The following ZBTB40 variants were observed in gnomAD, a reference collection of about 807,000 sequenced individuals.
The protein encoded by ZBTB40 is zinc finger and BTB domain-containing protein 40.
In ZBTB40, 60 loss-of-function variants were observed where a neutral mutation model predicts 117.5. The observed-to-expected ratio is 0.51, with a 90% CI of 0.41 to 0.63. The LOEUF (loss-of-function observed/expected upper bound fraction) is 0.63, where lower values mean the gene tolerates loss of function less well. ZBTB40 is among the 30% of genes least tolerant of loss of function. The probability of loss-of-function intolerance (pLI) is 0.00; values close to 1 mark genes in which losing one functional copy is unlikely to be tolerated. For synonymous variants in ZBTB40, 525 were observed against 577.1 expected (o/e 0.91, Z 1.29); for missense variants, 1,287 against 1,498.5 (o/e 0.86, Z 2.33).
intron 3 of ZBTB40, among the ~76,000 whole-genome samples, chr1:22,497,729 A>G (rs1638817068): frequency 6.6e-6 from 1 of 152,184 alleles, no homozygotes; most frequent in East Asian, 1.9e-4. Context: ...ATTATGCTTA[A>G]ATCTGGGAGG....
intron 1 of ZBTB40, among the ~76,000 whole-genome samples, chr1:22,481,144 AT>A (rs1009981903): frequency 3.4e-4 from 50 of 149,250 alleles, no homozygotes; most frequent in Admixed American, 2.8e-3. Flanking sequence ...CTTTTCTTTA[AT>A]TTTTTTTCAA....
intron 1 of ZBTB40, among the ~76,000 whole-genome samples, chr1:22,452,396 G>A (rs1291326081): frequency 6.6e-6 from 1 of 152,226 alleles, no homozygotes; most frequent in Non-Finnish European, 1.5e-5. Context: ...CCTAATCCAT[G>A]CCCCCCTTCT....
At chr1:22,449,181 C>T (rs1469048156), upstream of ZBTB40, among the ~76,000 whole-genome samples, 1 of 152,152 alleles carries the variant, frequency 6.6e-6, no homozygotes, top group Non-Finnish European at 1.5e-5. Context: ...ATATAGTAGT[C>T]ACTCTGGAAA....
chr1:22,435,987 G>T (rs1569735016), intron 1 of ZBTB40, among the ~76,000 whole-genome samples: 2 of 151,946 alleles, frequency 1.3e-5, no homozygotes, highest in South Asian at 4.1e-4. Context: ...TGAGGCAGGA[G>T]AATCATAACT....
chr1:22,429,338 G>T (rs899793983), intron 1 of ZBTB40, among the ~76,000 whole-genome samples: 3 of 151,790 alleles, frequency 2.0e-5, no homozygotes, highest in Non-Finnish European at 4.4e-5. Context: ...CCGACATAGC[G>T]CCGTTGCACT....
chr1:22,437,357 A>G (rs970391386), intron 1 of ZBTB40, among the ~76,000 whole-genome samples: 18 of 151,892 alleles, frequency 1.2e-4, no homozygotes, highest in African/African-American at 4.1e-4. Context: ...GTCATGTTGG[A>G]GGAGTGCACA....
Position 22,527,492 on chromosome 1 carries a change from T to C in ZBTB40, c.*1096T>C, listed in dbSNP as rs1639712599. 1 of 152,430 alleles carries C rather than the reference T, an allele frequency of 6.6e-6. No homozygotes were observed. Among genetic ancestry groups the C allele is most frequent in the Non-Finnish European group, 1.5e-5 (1 of 68,050 alleles). 9.4% of individuals were successfully genotyped at this position (152,430 alleles called of 1,614,324 possible). Reference sequence around the variant, plus strand: ...ATATAATCTGATAATTAATGGTTTGTGGAATCCATTATGAAGTGCAATTAG... The same window carrying C: ...ATATAATCTGATAATTAATGGTTTGCGGAATCCATTATGAAGTGCAATTAG... On this transcript the variant is annotated 3_prime_UTR_variant, in exon 18 of 18. Transcript: ENST00000375647.
chr1:22,524,081 G>C, intron 16 of ZBTB40, 137 bp from the exon 17 acceptor site: 1 of 810,452 alleles, frequency 1.2e-6, no homozygotes, highest in Non-Finnish European at 2.1e-6. Context: ...TAACGTTCGT[G>C]TCCCACAAAA....
At position 22,530,519 on chromosome 1, in the gene ZBTB40, GCTT is replaced by G; in HGVS notation, c.*4125_*4127del. 1 of 152,268 alleles carries G rather than the reference GCTT, an allele frequency of 6.6e-6. No individual in the cohort carries two copies. Among genetic ancestry groups the G allele is most frequent in the South Asian group, 2.1e-4 (1 of 4,820 alleles). 9.4% of individuals were successfully genotyped at this position (152,268 alleles called of 1,614,324 possible). A position where few individuals can be genotyped will look rare whatever the true frequency, so the allele number is the denominator to read the frequency against. Reference sequence around the variant, plus strand: ...AATCACTCCCTGGCTAATTAAGATTGCTTCCAAATTGGGGGAATGTGTGTCATT... The same window carrying G: ...AATCACTCCCTGGCTAATTAAGATTGCCAAATTGGGGGAATGTGTGTCATT... On this transcript the variant is annotated 3_prime_UTR_variant, in exon 18 of 18. Transcript: ENST00000375647.
chr1:22,511,251 A>G lies in ZBTB40; in HGVS notation c.1906A>G (p.Lys636Glu). ...LRAVLSRAME[K>E]SVPAIEICHL... ...AGCAGTGCTGAGCAGAGCCATGGAAAAATCAGTCCCGGCCATTGAAATATG... is the reference window on the plus strand; with the variant it reads ...AGCAGTGCTGAGCAGAGCCATGGAAGAATCAGTCCCGGCCATTGAAATATG... The change falls in exon 10 of 18, where the codon AAA becomes GAA. Residue 636 changes from lysine to glutamate, a missense_variant. Physicochemically the swap from Lys to Glu is moderately conservative, Grantham distance 56 (BLOSUM62 1). Around this residue, in one of 2 missense-constraint regions of ZBTB40, gnomAD observed 870 missense variants for 934.4 expected, o/e 0.93. Coordinates refer to ENST00000375647, the MANE Select transcript of ZBTB40 (RefSeq NM_014870.4). 1 of 1,614,092 alleles carries G rather than the reference A, an allele frequency of 6.2e-7. No individual in the cohort carries two copies. Among genetic ancestry groups the G allele is most frequent in the Middle Eastern group, 1.7e-4 (1 of 6,058 alleles).
Position 22,517,417 on chromosome 1 carries a change from G to C in ZBTB40, c.2786G>C (p.Gly929Ala). Residue 929 changes from glycine (G) to alanine (A), a missense_variant, in exon 13 of 18, where the codon GGC becomes GCC. Gly to Ala is a moderately conservative substitution (Grantham distance 60). Around this residue, in one of 2 missense-constraint regions of ZBTB40, gnomAD observed 417 missense variants for 564.1 expected, o/e 0.74. Transcript: ENST00000375647. Reference protein sequence around the residue: ...KPYVCRDCGKGFRQANGLSIH... With the variant: ...KPYVCRDCGKAFRQANGLSIH... ...TATGTCTGCAGAGACTGTGGCAAGG[G>C]CTTCCGGCAAGCCAATGGCCTCTCC... 1 of 1,614,096 alleles carries C rather than the reference G, an allele frequency of 6.2e-7. No homozygotes were observed. Among genetic ancestry groups the C allele is most frequent in the African/African-American group, 1.3e-5 (1 of 75,052 alleles).
Position 22,521,985 on chromosome 1 carries a change from C to T in ZBTB40, c.3211+327C>T, listed in dbSNP as rs188145931. On this transcript the variant is annotated intron_variant, in intron 15 of 17. Coordinates refer to ENST00000375647, the MANE Select transcript of ZBTB40 (RefSeq NM_014870.4). ...TTCCAGCACTTATCAGCTACATGAC[C>T]TTGGCAAGTGACTTCCCTTTTCTGA... Among the ~76,000 whole-genome samples, 3 of 152,306 alleles carry T rather than the reference C, an allele frequency of 2.0e-5. No individual in the cohort carries two copies. The South Asian group carries it at 6.2e-4, about 32-fold the overall frequency.
Position 22,501,614 on chromosome 1 carries a change from T to G in ZBTB40, c.954T>G (p.Tyr318Ter), listed in dbSNP as rs369030896. The change falls in exon 4 of 18, where the codon TAT becomes TAG. Residue 318 changes from tyrosine to a stop codon, truncating the protein, a stop_gained. Transcript: ENST00000375647. LOFTEE classifies it high-confidence loss of function. Reference sequence around the variant, plus strand: ...TGTCCCTGTTGAGGCTGTACCAATATTCTAATCCTGCAGTAAAAACAGCAC... The same window carrying G: ...TGTCCCTGTTGAGGCTGTACCAATAGTCTAATCCTGCAGTAAAAACAGCAC... Reference protein sequence around the residue: ...TVVSLLRLYQYSNPAVKTALL... With the variant: ...TVVSLLRLYQ 9.9e-6 allele frequency: 16 copies of G among 1,613,974 alleles called. No individual in the cohort carries two copies. Among genetic ancestry groups the G allele is most frequent in the African/African-American group, 5.3e-5 (4 of 74,900 alleles).
At chr1:22,498,193 A>T (rs1197631965) in intron 3 of ZBTB40, among the ~76,000 whole-genome samples, 1 of 152,238 alleles carries the variant, frequency 6.6e-6, no homozygotes, top group East Asian at 1.9e-4. Flanking sequence ...TTATTGAAGT[A>T]CCTTTACCCC....
intron 1 of ZBTB40, among the ~76,000 whole-genome samples, chr1:22,440,733 A>T (rs1268065423): frequency 6.6e-6 from 1 of 151,830 alleles, no homozygotes; most frequent in Non-Finnish European, 1.5e-5. Flanking sequence ...ATCAACTGAG[A>T]TAATCATGTG....
At chr1:22,464,337 G>A (rs529482751) in intron 1 of ZBTB40, among the ~76,000 whole-genome samples, 1 of 152,332 alleles carries the variant, frequency 6.6e-6, no homozygotes, top group South Asian at 2.1e-4. Flanking sequence ...CCCCCAGAAA[G>A]GGTGTAGTTG....
intron 1 of ZBTB40, among the ~76,000 whole-genome samples, chr1:22,471,603 A>G (rs1290813288): frequency 6.6e-6 from 1 of 152,380 alleles, no homozygotes; most frequent in Non-Finnish European, 1.5e-5. Context: ...CATTATTACC[A>G]TGATAGAGCA....
At chr1:22,509,055 T>C (rs1569865316) in intron 8 of ZBTB40, 45 bp from the exon 9 acceptor site, 1 of 1,613,956 alleles carries the variant, frequency 6.2e-7, no homozygotes, top group East Asian at 2.2e-5. Flanking sequence ...GAAAAAATGG[T>C]GCTCATTGTT....
In ZBTB40 at chr1:22,502,350, A is replaced by G; in HGVS notation, c.1076A>G (p.Glu359Gly). 1.2e-6 allele frequency: 2 copies of G among 1,614,126 alleles called. No homozygotes were observed. The highest frequency in any genetic ancestry group is 1.7e-6 in the Non-Finnish European group (2 of 1,179,978). Reference protein sequence around the residue: ...TLSVLLLEHKEDLIQCVTQLR... With the variant: ...TLSVLLLEHKGDLIQCVTQLR... Reference sequence around the variant, plus strand: ...TCTGTTCTGTTACTAGAACACAAAGAGGACCTGATACAGTGTGTAACACAG... The same window carrying G: ...TCTGTTCTGTTACTAGAACACAAAGGGGACCTGATACAGTGTGTAACACAG... Residue 359 changes from glutamate (E) to glycine (G), a missense_variant, in exon 5 of 18, where the codon GAG becomes GGG. By Grantham distance (98) the Glu-to-Gly change is moderately conservative. Transcript: ENST00000375647.
Sources: allele counts gnomAD v4.1 joint callset (sites outside exome capture counted in the v4.1 genomes callset), GRCh38; gene constraint gnomAD v4.1.1; regional missense constraint gnomAD v4.1.1; transcripts MANE v1.5; gene names NCBI Gene and HGNC (gene_info 2026-07-23, HGNC 2026-07-21).